Variants in RANBP9 observed in about 807,000 individuals in gnomAD.
RANBP9 encodes ran-binding protein 9.
A neutral mutation model predicts 84.3 loss-of-function variants in RANBP9; 15 were observed. That is an observed-to-expected ratio of 0.18 (90% CI 0.12 to 0.27). RANBP9 has a LOEUF of 0.27. Ranked by LOEUF, RANBP9 falls within the 10% of genes least tolerant of loss-of-function variation. The pLI is 1.00. For synonymous variants in RANBP9, 392 were observed against 349.6 expected (o/e 1.12, Z -1.35); for missense variants, 809 against 912.8 (o/e 0.89, Z 1.46).
rs535482327 is a variant in RANBP9 at position 13,667,360 on chromosome 6, A to C, written c.684-8528T>G. Among the ~76,000 whole-genome samples, 4 of 152,138 alleles carry C rather than the reference A, an allele frequency of 2.6e-5. No homozygotes were observed. The South Asian group carries it at 8.3e-4, about 32-fold the overall frequency. On this transcript the variant is annotated intron_variant, in intron 2 of 13. Coordinates refer to ENST00000011619, the MANE Select transcript of RANBP9 (RefSeq NM_005493.3). ...TTAGTTTTCTGCTATACCTTTTGGC[A>C]GTATATTAATGACTACCTTATTAAG...
At chr6:13,622,544 A>G (rs934314949) in intron 13 of RANBP9, 52 bp from the exon 14 acceptor site, 2 of 1,488,710 alleles carry the variant, frequency 1.3e-6, no homozygotes, top group Non-Finnish European at 1.8e-6. Flanking sequence ...GACATTTTAA[A>G]AAACATTTCA....
intron 5 of RANBP9, among the ~76,000 whole-genome samples, chr6:13,647,250 A>G (rs573916689): frequency 1.3e-5 from 2 of 152,340 alleles, no homozygotes; most frequent in African/African-American, 4.8e-5. Flanking sequence ...CAGATATGTG[A>G]TATTATACCA....
chr6:13,644,504 C>G (rs1562302470), intron 6 of RANBP9, 41 bp downstream of exon 6: 1 of 1,566,248 alleles, frequency 6.4e-7, no homozygotes, highest in Non-Finnish European at 8.7e-7. Flanking sequence ...TTATAAAAAA[C>G]AGATTCTGAA....
At chr6:13,657,328 C>G (rs1375697918) in intron 3 of RANBP9, 52 bp from the exon 4 acceptor site, 1 of 1,475,200 alleles carries the variant, frequency 6.8e-7, no homozygotes, top group East Asian at 2.3e-5. Flanking sequence ...TTCCTCTGTA[C>G]TAGGTTTATT....
At chr6:13,698,136 T>C (rs775939425) in intron 1 of RANBP9, among the ~76,000 whole-genome samples, 1 of 152,150 alleles carries the variant, frequency 6.6e-6, no homozygotes, top group Non-Finnish European at 1.5e-5. Flanking sequence ...AATTAGTACA[T>C]GTTCACACCC....
intron 13 of RANBP9, among the ~76,000 whole-genome samples, chr6:13,624,578 C>A (rs981549599): frequency 2.6e-5 from 4 of 152,158 alleles, no homozygotes; most frequent in Non-Finnish European, 4.4e-5. Context: ...AAACAATCGA[C>A]CCTATCACAT....
At chr6:13,655,390 A>C (rs1386682693) in intron 4 of RANBP9, among the ~76,000 whole-genome samples, 1 of 152,170 alleles carries the variant, frequency 6.6e-6, no homozygotes, top group African/African-American at 2.4e-5. Flanking sequence ...GAATTGCTTG[A>C]AACTAGGAGG....
chr6:13,668,347 TAG>T (rs1765699213), intron 2 of RANBP9, among the ~76,000 whole-genome samples: 1 of 152,058 alleles, frequency 6.6e-6, no homozygotes, highest in Non-Finnish European at 1.5e-5. Context: ...CCAAAAAAGC[TAG>T]AAATACTTCC....
intron 1 of RANBP9, 24 bp downstream of exon 1, chr6:13,710,911 C>A: frequency 1.3e-6 from 2 of 1,579,536 alleles, no homozygotes; most frequent in African/African-American, 1.4e-5. Flanking sequence ...GCCCCACTCC[C>A]ACCGCAGGAC....
chr6:13,656,488 G>GA (rs1466409360), intron 4 of RANBP9, among the ~76,000 whole-genome samples: 20 of 151,988 alleles, frequency 1.3e-4, no homozygotes, highest in Non-Finnish European at 2.5e-4. Context: ...ATAGTCCACT[G>GA]AAAATCTTAA....
chr6:13,704,752 T>C (rs1044325040), intron 1 of RANBP9, among the ~76,000 whole-genome samples: 3 of 152,210 alleles, frequency 2.0e-5, no homozygotes, highest in Non-Finnish European at 2.9e-5. Context: ...CTCTATGTTT[T>C]TGCTTTTCCT....
At chr6:13,625,928 T>C (rs1013594449) in intron 12 of RANBP9, among the ~76,000 whole-genome samples, 164 bp from the exon 13 acceptor site, 1 of 152,234 alleles carries the variant, frequency 6.6e-6, no homozygotes, top group African/African-American at 2.4e-5. Context: ...TTTTTGAACA[T>C]TAAATTATGC....
intron 7 of RANBP9, among the ~76,000 whole-genome samples, chr6:13,641,992 A>T (rs1204998077): frequency 6.6e-6 from 1 of 152,178 alleles, no homozygotes; most frequent in Non-Finnish European, 1.5e-5. Context: ...ACTATGGACC[A>T]GTTATGCTGA....
At chr6:13,633,896 T>C (rs1764861975) in intron 11 of RANBP9, among the ~76,000 whole-genome samples, 1 of 152,046 alleles carries the variant, frequency 6.6e-6, no homozygotes, top group African/African-American at 2.4e-5. Context: ...CAAAATAAAA[T>C]TATGCATGCT....
intron 1 of RANBP9, among the ~76,000 whole-genome samples, chr6:13,703,297 T>G (rs537265919): frequency 6.6e-6 from 1 of 152,158 alleles, no homozygotes; most frequent in African/African-American, 2.4e-5. Flanking sequence ...CCCACTGCTT[T>G]TTCTCACTCT....
intron 2 of RANBP9, among the ~76,000 whole-genome samples, chr6:13,661,291 G>A (rs1225167534): frequency 3.3e-5 from 5 of 152,012 alleles, no homozygotes; most frequent in African/African-American, 1.2e-4. Context: ...GCAAGAACCC[G>A]GAAACTCTAA....
intron 2 of RANBP9, among the ~76,000 whole-genome samples, chr6:13,690,254 C>T (rs761623908): frequency 1.3e-5 from 2 of 152,206 alleles, no homozygotes; most frequent in African/African-American, 4.8e-5. Context: ...TATCCCCACT[C>T]AGCTGCTGAC....
chr6:13,702,380 G>C (rs1034307550), intron 1 of RANBP9, among the ~76,000 whole-genome samples: 1 of 152,142 alleles, frequency 6.6e-6, no homozygotes. Flanking sequence ...GATCCGGCCT[G>C]ACAAAGCGAG....
At chr6:13,674,314 G>T (rs1765840742) in intron 2 of RANBP9, among the ~76,000 whole-genome samples, 1 of 152,114 alleles carries the variant, frequency 6.6e-6, no homozygotes, top group Non-Finnish European at 1.5e-5. Context: ...TAAAGGGATG[G>T]AGAAATACAT....
Sources: allele counts gnomAD v4.1 joint callset (sites outside exome capture counted in the v4.1 genomes callset), GRCh38; gene constraint gnomAD v4.1.1; transcripts MANE v1.5; gene names NCBI Gene and HGNC (gene_info 2026-07-23, HGNC 2026-07-21).